The following GRID2 variants were observed in gnomAD, a reference collection of about 807,000 sequenced individuals.
GRID2 encodes glutamate ionotropic receptor delta type subunit 2.
Under a neutral mutation model 114.8 loss-of-function variants are expected in GRID2, and 33 were observed. The ratio of observed to expected loss-of-function variants is 0.29; its 90% CI spans 0.22 to 0.38. GRID2 has a LOEUF of 0.38. GRID2 is among the 10% of genes least tolerant of loss of function. GRID2 has a pLI of 1.00. For synonymous variants in GRID2, 505 were observed against 449.9 expected (o/e 1.12, Z -1.55); for missense variants, 1,184 against 1,257.7 (o/e 0.94, Z 0.89).
intron 6 of GRID2, among the ~76,000 whole-genome samples, chr4:93,217,702 C>T (rs1000550948): frequency 6.6e-6 from 1 of 151,888 alleles, no homozygotes; most frequent in African/African-American, 2.4e-5. Context: ...GATAAACTAA[C>T]TCATATAACC....
chr4:92,943,426 C>T (rs1248761773), intron 2 of GRID2, among the ~76,000 whole-genome samples: 2 of 152,126 alleles, frequency 1.3e-5, no homozygotes, highest in African/African-American at 2.4e-5. Context: ...GTTTTCAGCT[C>T]CATCAGGTCG....
intron 14 of GRID2, among the ~76,000 whole-genome samples, chr4:93,729,138 C>T (rs550431603): frequency 5.3e-5 from 8 of 152,200 alleles, no homozygotes; most frequent in African/African-American, 1.7e-4. Context: ...CCTCATGATC[C>T]GCCCACCTTG....
At chr4:92,470,100 G>C (rs6856342) in intron 1 of GRID2, among the ~76,000 whole-genome samples, 1 of 151,598 alleles carries the variant, frequency 6.6e-6, no homozygotes, top group Admixed American at 6.6e-5. Context: ...ATAAAAACAG[G>C]TGTGAAAATT....
intron 1 of GRID2, among the ~76,000 whole-genome samples, chr4:92,453,647 A>AAAG (rs1251277371): frequency 6.6e-6 from 1 of 152,166 alleles, no homozygotes; most frequent in African/African-American, 2.4e-5. Context: ...GAGGACATAA[A>AAAG]AAGATGCGTA....
At chr4:92,618,234 C>T (rs1730097223) in intron 2 of GRID2, among the ~76,000 whole-genome samples, 1 of 151,686 alleles carries the variant, frequency 6.6e-6, no homozygotes, top group East Asian at 1.9e-4. Context: ...TATGGATATC[C>T]AGTTTTCCTA....
At chr4:93,633,441 C>A (rs1326098812) in intron 14 of GRID2, among the ~76,000 whole-genome samples, 2 of 151,990 alleles carry the variant, frequency 1.3e-5, no homozygotes, top group Non-Finnish European at 2.9e-5. Flanking sequence ...CTCCTGAGCT[C>A]CTTGAGTTCA....
Position 93,772,557 on chromosome 4 carries a change from G to T in GRID2, c.*59G>T. 2.5e-6 allele frequency: 3 copies of T among 1,180,902 alleles called. No homozygotes were observed. Among genetic ancestry groups the T allele is most frequent in the South Asian group, 3.0e-5 (2 of 66,920 alleles). 73.2% of individuals were successfully genotyped at this position (1,180,902 alleles called of 1,614,324 possible). A position where few individuals can be genotyped will look rare whatever the true frequency, so the allele number is the denominator to read the frequency against. On this transcript the variant is annotated 3_prime_UTR_variant, in exon 16 of 16. Transcript: ENST00000282020. ...AGGACTCCCTTTGCAAGGAGCAACT[G>T]TAATATTGTGGGACTAACATGGATG...
At chr4:93,088,027 T>G (rs1198897360) in intron 3 of GRID2, among the ~76,000 whole-genome samples, 1 of 152,162 alleles carries the variant, frequency 6.6e-6, no homozygotes, top group East Asian at 1.9e-4. Context: ...TTAGGCAGCT[T>G]CCTGGGGCCA....
intron 8 of GRID2, among the ~76,000 whole-genome samples, chr4:93,372,204 G>A (rs1212096009): frequency 6.6e-6 from 1 of 152,072 alleles, no homozygotes; most frequent in Non-Finnish European, 1.5e-5. Flanking sequence ...CAAATATTAA[G>A]TATCTCAGGA....
At chr4:92,513,021 C>T (rs970862780) in intron 1 of GRID2, among the ~76,000 whole-genome samples, 18 of 151,902 alleles carry the variant, frequency 1.2e-4, no homozygotes, top group African/African-American at 3.4e-4. Context: ...TATAGAATGG[C>T]TCCTAGAGAA....
At chr4:92,808,783 C>A (rs1173355755) in intron 2 of GRID2, among the ~76,000 whole-genome samples, 2 of 151,314 alleles carry the variant, frequency 1.3e-5, no homozygotes, top group Non-Finnish European at 2.9e-5. Flanking sequence ...GGCAAAAGAT[C>A]GTGAATTTTT....
rs1333657098 is a variant in GRID2 at position 92,784,944 on chromosome 4, T to C, written c.244+194658T>C. On this transcript the variant is annotated intron_variant, in intron 2 of 15. Transcript: ENST00000282020. ...TTTGTTATGGGTATGAATTATGTGG[T>C]ATTAAGTACTGCAGTAGCACTATTA... 3.9e-5 allele frequency among the ~76,000 whole-genome samples: 6 copies of C among 151,916 alleles called. No homozygotes were observed. In the East Asian group the frequency reaches 1.2e-3, roughly 29 times the overall value.
At chr4:92,580,587 T>C (rs1304506670) in intron 1 of GRID2, among the ~76,000 whole-genome samples, 1 of 150,194 alleles carries the variant, frequency 6.7e-6, no homozygotes, top group African/African-American at 2.4e-5. Context: ...AAAATTAGAA[T>C]TTTTACTCTG....
intron 13 of GRID2, among the ~76,000 whole-genome samples, chr4:93,537,077 G>C (rs1361826939): frequency 1.3e-5 from 2 of 151,202 alleles, no homozygotes; most frequent in Non-Finnish European, 3.0e-5. Flanking sequence ...CTACTTTTTT[G>C]GTTGTATCTC....
intron 2 of GRID2, among the ~76,000 whole-genome samples, chr4:92,829,484 T>C (rs1417517807): frequency 6.6e-6 from 1 of 152,092 alleles, no homozygotes; most frequent in Non-Finnish European, 1.5e-5. Flanking sequence ...TTTACACTGT[T>C]GGTGGGAGTG....
chr4:92,534,538 A>G (rs1184651075), intron 1 of GRID2, among the ~76,000 whole-genome samples: 3 of 152,180 alleles, frequency 2.0e-5, no homozygotes, highest in Non-Finnish European at 4.4e-5. Flanking sequence ...TTATGTGACC[A>G]CAGGTGAGAT....
chr4:92,945,116 G>A (rs1751525743), intron 2 of GRID2, among the ~76,000 whole-genome samples: 1 of 152,116 alleles, frequency 6.6e-6, no homozygotes, highest in African/African-American at 2.4e-5. Context: ...CCCTCATTCA[G>A]TGACTTATTG....
intron 1 of GRID2, among the ~76,000 whole-genome samples, chr4:92,510,265 C>T (rs1724180877): frequency 6.6e-6 from 1 of 151,754 alleles, no homozygotes; most frequent in Non-Finnish European, 1.5e-5. Flanking sequence ...GGATCTGAAC[C>T]AGTACAATGG....
intron 8 of GRID2, among the ~76,000 whole-genome samples, chr4:93,262,795 A>G: frequency 6.7e-6 from 1 of 148,462 alleles, no homozygotes; most frequent in South Asian, 2.1e-4. Context: ...TTGCCCTTTT[A>G]AGTGTTGGAA....
Sources: allele counts gnomAD v4.1 joint callset (sites outside exome capture counted in the v4.1 genomes callset), GRCh38; gene constraint gnomAD v4.1.1; transcripts MANE v1.5; gene names NCBI Gene and HGNC (gene_info 2026-07-23, HGNC 2026-07-21).